The following ZNF654 variants were observed in gnomAD, a reference collection of about 807,000 sequenced individuals.
ZNF654 encodes melanoma-associated antigen.
Under a neutral mutation model 95.3 loss-of-function variants are expected in ZNF654, and 19 were observed. The ratio of observed to expected loss-of-function variants is 0.20; its 90% CI spans 0.14 to 0.29. ZNF654 has a LOEUF of 0.29. Ranked by LOEUF, ZNF654 falls within the 10% of genes least tolerant of loss-of-function variation. ZNF654 has a pLI of 1.00. For synonymous variants in ZNF654, 413 were observed against 457.9 expected (o/e 0.90, Z 1.25); for missense variants, 1,046 against 1,341.0 (o/e 0.78, Z 3.44).
intron 1 of ZNF654, 43 bp from the exon 2 acceptor site, chr3:88,086,214 G>C (rs1708329180): frequency 6.7e-7 from 1 of 1,490,438 alleles, no homozygotes; most frequent in Non-Finnish European, 8.9e-7. Flanking sequence ...TCGAGATGTT[G>C]AGAACTTTTT....
At chr3:88,081,106 C>T (rs1708053630) in intron 1 of ZNF654, among the ~76,000 whole-genome samples, 2 of 152,062 alleles carry the variant, frequency 1.3e-5, no homozygotes, top group Admixed American at 6.6e-5. Context: ...TGTAGAATAT[C>T]CCTCAGTTTG....
At chr3:88,109,944 AT>A (rs1704988957) in intron 2 of ZNF654, among the ~76,000 whole-genome samples, 1 of 152,184 alleles carries the variant, frequency 6.6e-6, no homozygotes, top group Non-Finnish European at 1.5e-5. Context: ...TTTTAAAAAA[AT>A]CTTCATAATT....
intron 3 of ZNF654, among the ~76,000 whole-genome samples, chr3:88,122,781 G>A (rs960697616): frequency 2.0e-5 from 3 of 151,986 alleles, no homozygotes; most frequent in African/African-American, 7.3e-5. Context: ...AAACCGAGGT[G>A]GGCAGATCAC....
At chr3:88,089,816 AT>A (rs1336548067) in intron 2 of ZNF654, among the ~76,000 whole-genome samples, 1 of 152,184 alleles carries the variant, frequency 6.6e-6, no homozygotes, top group Admixed American at 6.5e-5. Flanking sequence ...TGAGAATGTC[AT>A]AAGATTTTGG....
intron 1 of ZNF654, among the ~76,000 whole-genome samples, chr3:88,079,694 G>A (rs1233887883): frequency 2.0e-5 from 3 of 151,858 alleles, no homozygotes; most frequent in East Asian, 3.8e-4. Flanking sequence ...TTAACAGTAT[G>A]ATTGTATGGA....
At chr3:88,113,072 A>T in intron 2 of ZNF654, 43 bp from the exon 3 acceptor site, 7 of 1,315,198 alleles carry the variant, frequency 5.3e-6, no homozygotes, top group Non-Finnish European at 7.3e-6. Flanking sequence ...AATTGGAGCA[A>T]AACTCAAAGA....
At chr3:88,118,142 T>A (rs955247150) in intron 3 of ZNF654, among the ~76,000 whole-genome samples, 2 of 152,164 alleles carry the variant, frequency 1.3e-5, no homozygotes, top group African/African-American at 4.8e-5. Context: ...GCCCTGACGT[T>A]AGAGAAAAGT....
chr3:88,115,996 G>T (rs1705365806), intron 3 of ZNF654, among the ~76,000 whole-genome samples: 1 of 152,160 alleles, frequency 6.6e-6, no homozygotes, highest in African/African-American at 2.4e-5. Flanking sequence ...ACAGGGAAAT[G>T]TGTGAGAGAG....
intron 2 of ZNF654, 67 bp from the exon 3 acceptor site, chr3:88,113,048 T>C: frequency 8.9e-7 from 1 of 1,126,432 alleles, no homozygotes; most frequent in South Asian, 1.4e-5. Context: ...GCTGATACTG[T>C]TTGATAATCT....
chr3:88,139,226 G>C lies in ZNF654; in HGVS notation c.1557G>C (p.Gln519His). The C allele has an allele frequency of 6.7e-7, 1 of 1,489,262 alleles. No homozygotes were observed. Among genetic ancestry groups the C allele is most frequent in the Non-Finnish European group, 8.9e-7 (1 of 1,123,236 alleles). 92.3% of individuals were successfully genotyped at this position (1,489,262 alleles called of 1,614,324 possible). Residue 519 changes from glutamine (Q) to histidine (H), a missense_variant, in exon 8 of 9, where the codon CAG (glutamine) becomes CAC (histidine). Around this residue, in one of 9 missense-constraint regions of ZNF654, gnomAD observed 100 missense variants for 108.9 expected, o/e 0.92. Coordinates refer to ENST00000636215, the MANE Select transcript of ZNF654 (RefSeq NM_001350134.2). ...ETDPDDVSGV[Q>H]PKGHINTKKN... ...ATCCTGATGATGTATCTGGAGTGCAGCCTAAAGGTCATATTAATACGAAGA... is the reference window on the plus strand; with the variant it reads ...ATCCTGATGATGTATCTGGAGTGCACCCTAAAGGTCATATTAATACGAAGA...
At chr3:88,091,908 G>A (rs1708652227) in intron 2 of ZNF654, among the ~76,000 whole-genome samples, 1 of 152,080 alleles carries the variant, frequency 6.6e-6, no homozygotes, top group Admixed American at 6.5e-5. Context: ...ACCCAGTCTC[G>A]GGTATTTCTT....
At chr3:88,113,531 C>G (rs902237668) in intron 3 of ZNF654, among the ~76,000 whole-genome samples, 1 of 152,090 alleles carries the variant, frequency 6.6e-6, no homozygotes. Context: ...GCCACTTTTT[C>G]CCTTGGCTGT....
At chr3:88,124,563 A>G (rs1367713495) in intron 3 of ZNF654, among the ~76,000 whole-genome samples, 1 of 152,252 alleles carries the variant, frequency 6.6e-6, no homozygotes, top group Non-Finnish European at 1.5e-5. Flanking sequence ...TTATGAAAGA[A>G]TATGACAGTT....
intron 2 of ZNF654, among the ~76,000 whole-genome samples, chr3:88,104,902 GC>G (rs1704639845): frequency 6.6e-6 from 1 of 152,202 alleles, no homozygotes; most frequent in Non-Finnish European, 1.5e-5. Flanking sequence ...ACTTTGGAAG[GC>G]CAAGGTGGGC....
intron 3 of ZNF654, among the ~76,000 whole-genome samples, chr3:88,120,513 G>A (rs1705702330): frequency 6.6e-6 from 1 of 152,104 alleles, no homozygotes; most frequent in South Asian, 2.1e-4. Flanking sequence ...AAATGGCAAG[G>A]AAGAAGCAAA....
intron 1 of ZNF654, among the ~76,000 whole-genome samples, chr3:88,063,911 G>T (rs189876854): frequency 6.6e-6 from 1 of 152,188 alleles, no homozygotes; most frequent in Non-Finnish European, 1.5e-5. Context: ...GGCAGGAGCT[G>T]GTTGTCTCTG....
At chr3:88,085,600 G>A (rs1191233526) in intron 1 of ZNF654, among the ~76,000 whole-genome samples, 4 of 152,092 alleles carry the variant, frequency 2.6e-5, no homozygotes, top group Admixed American at 1.3e-4. Flanking sequence ...TTTCTAAAAT[G>A]TTTTCTCATA....
chr3:88,128,308 TAAATA>T (rs1224336644), intron 4 of ZNF654, among the ~76,000 whole-genome samples: 5 of 151,272 alleles, frequency 3.3e-5, no homozygotes, highest in Admixed American at 2.0e-4. Context: ...ATTTTATCTT[TAAATA>T]AAATATATTT....
chr3:88,086,951 T>G (rs1487629994), intron 2 of ZNF654, among the ~76,000 whole-genome samples: 1 of 151,932 alleles, frequency 6.6e-6, no homozygotes, highest in Non-Finnish European at 1.5e-5. Context: ...CCTGGCTAAT[T>G]TTTTGTATTT....
Sources: gnomAD v4.1 joint callset for allele counts (sites outside exome capture counted in the v4.1 genomes callset) on GRCh38, gnomAD v4.1.1 for gene constraint, gnomAD v4.1.1 regional missense constraint, MANE v1.5 for transcripts, NCBI Gene and HGNC (gene_info 2026-07-23, HGNC 2026-07-21) for gene names.